Variants in PTPRD observed in about 807,000 individuals in gnomAD.
PTPRD encodes the protein protein tyrosine phosphatase receptor type D.
In PTPRD, 34 loss-of-function variants were observed where a neutral mutation model predicts 214.5. The observed-to-expected ratio is 0.16, with a 90% CI of 0.12 to 0.21. The LOEUF is 0.21. Ranked by LOEUF, PTPRD falls within the 10% of genes least tolerant of loss-of-function variation. The pLI is 1.00. For synonymous variants in PTPRD, 1,128 were observed against 845.7 expected (o/e 1.33, Z -5.79); for missense variants, 2,545 against 2,398.7 (o/e 1.06, Z -1.27).
chr9:9,776,051 T>C (rs2098796458), intron 5 of PTPRD, among the ~76,000 whole-genome samples: 1 of 150,510 alleles, frequency 6.6e-6, no homozygotes, highest in Admixed American at 6.6e-5. Context: ...ATATAAGCAC[T>C]TTCTAGTAAA....
chr9:9,595,570 GT>G (rs2093272463), intron 7 of PTPRD, among the ~76,000 whole-genome samples: 2 of 143,704 alleles, frequency 1.4e-5, no homozygotes, highest in African/African-American at 5.0e-5. Context: ...GTGTGTGTGT[GT>G]GTGTGTATAT....
At chr9:8,566,083 T>C (rs909875317) in intron 14 of PTPRD, among the ~76,000 whole-genome samples, 4 of 144,386 alleles carry the variant, frequency 2.8e-5, no homozygotes, top group African/African-American at 1.0e-4. Flanking sequence ...TGAAAAGATA[T>C]ATACTGAATG....
At chr9:10,270,191 T>G (rs1441834747) in intron 3 of PTPRD, among the ~76,000 whole-genome samples, 1 of 152,108 alleles carries the variant, frequency 6.6e-6, no homozygotes, top group Non-Finnish European at 1.5e-5. Context: ...TTTTAAAATC[T>G]TTAATTCATC....
At chr9:9,662,182 G>C (rs538019292) in intron 7 of PTPRD, among the ~76,000 whole-genome samples, 52 of 151,724 alleles carry the variant, frequency 3.4e-4, no homozygotes, top group African/African-American at 1.3e-3. Flanking sequence ...AGCTTGGAAG[G>C]CAGTCTCAGT....
chr9:9,272,066 C>A (rs1377580199), intron 9 of PTPRD, among the ~76,000 whole-genome samples: 1 of 150,300 alleles, frequency 6.7e-6, no homozygotes, highest in African/African-American at 2.4e-5. Context: ...TTTTTTTTGA[C>A]AGCAATTCCC....
chr9:8,720,414 G>A (rs902132717), intron 12 of PTPRD, among the ~76,000 whole-genome samples: 1 of 152,164 alleles, frequency 6.6e-6, no homozygotes, highest in East Asian at 1.9e-4. Flanking sequence ...GCCAGTCAGG[G>A]GACTAACCCA....
intron 2 of PTPRD, among the ~76,000 whole-genome samples, chr9:10,384,682 G>C (rs1052732244): frequency 2.0e-5 from 3 of 151,180 alleles, no homozygotes; most frequent in Non-Finnish European, 3.0e-5. Context: ...AAGAACGTTT[G>C]TCAAAGTTAG....
Position 10,210,524 on chromosome 9 carries a change from G to C in PTPRD, c.-545+130439C>G, listed in dbSNP as rs142423056. Among the ~76,000 whole-genome samples the C allele has an allele frequency of 3.4e-3, 509 of 151,456 alleles. 2 individuals carry two copies. The highest frequency in any genetic ancestry group is 0.012 in the African/African-American group (487 of 41,310). On this transcript the variant is annotated intron_variant, in intron 3 of 45. Coordinates refer to ENST00000381196, the MANE Select transcript of PTPRD (RefSeq NM_002839.4). ...ATGGGAAAGAATGCCAAGGAGGGGG[G>C]GCTTCTTGCACATTTGTCATCAATT...
intron 11 of PTPRD, among the ~76,000 whole-genome samples, chr9:8,809,442 A>G (rs1265269834): frequency 1.3e-5 from 2 of 152,150 alleles, no homozygotes; most frequent in Non-Finnish European, 2.9e-5. Flanking sequence ...TGGAGCCAAT[A>G]ACCCAATAAC....
At chr9:8,786,744 C>T (rs1339110770) in intron 11 of PTPRD, among the ~76,000 whole-genome samples, 9 of 123,628 alleles carry the variant, frequency 7.3e-5, no homozygotes, top group Middle Eastern at 5.0e-3. Context: ...CCTGAATCCT[C>T]AGGGAAAAAA....
At chr9:9,957,282 C>A (rs1339692327) in intron 4 of PTPRD, among the ~76,000 whole-genome samples, 1 of 151,978 alleles carries the variant, frequency 6.6e-6, no homozygotes, top group Non-Finnish European at 1.5e-5. Context: ...ATATGGAATT[C>A]TGAAAAATAA....
chr9:10,261,096 TAG>T (rs200103560), intron 3 of PTPRD, among the ~76,000 whole-genome samples: 209 of 146,166 alleles, frequency 1.4e-3, no homozygotes, highest in African/African-American at 3.9e-3. Flanking sequence ...TATATATATA[TAG>T]AGAGAGAGTC....
chr9:8,655,667 A>AT (rs754408714), intron 12 of PTPRD, among the ~76,000 whole-genome samples: 2 of 152,102 alleles, frequency 1.3e-5, no homozygotes, highest in Non-Finnish European at 2.9e-5. Flanking sequence ...AATGCCACAT[A>AT]TATGAACTTT....
intron 9 of PTPRD, among the ~76,000 whole-genome samples, chr9:9,216,199 G>T (rs986471396): frequency 6.6e-6 from 1 of 152,076 alleles, no homozygotes; most frequent in Non-Finnish European, 1.5e-5. Context: ...ATATGCTTTT[G>T]TATGTACCTT....
chr9:10,312,683 T>C (rs2096300239), intron 3 of PTPRD, among the ~76,000 whole-genome samples: 2 of 151,822 alleles, frequency 1.3e-5, no homozygotes, highest in African/African-American at 4.8e-5. Context: ...TATAAAAGCA[T>C]GACAAACATA....
intron 2 of PTPRD, among the ~76,000 whole-genome samples, chr9:10,471,288 A>G (rs1457200604): frequency 6.6e-6 from 1 of 152,160 alleles, no homozygotes; most frequent in African/African-American, 2.4e-5. Flanking sequence ...CGGAACTTAA[A>G]CTATAATAAA....
At chr9:10,130,833 G>A (rs959205390) in intron 3 of PTPRD, among the ~76,000 whole-genome samples, 1 of 152,120 alleles carries the variant, frequency 6.6e-6, no homozygotes, top group Admixed American at 6.6e-5. Context: ...TTAGGCAGAG[G>A]CACTGGAAAT....
intron 9 of PTPRD, among the ~76,000 whole-genome samples, chr9:9,322,920 A>C (rs2136088660): frequency 6.6e-6 from 1 of 152,290 alleles, no homozygotes; most frequent in East Asian, 1.9e-4. Flanking sequence ...ATGCACATTT[A>C]CTTGAGTTAA....
chr9:10,440,331 T>C (rs1483075278), intron 2 of PTPRD, among the ~76,000 whole-genome samples: 1 of 151,784 alleles, frequency 6.6e-6, no homozygotes, highest in Non-Finnish European at 1.5e-5. Flanking sequence ...GTTAGTGCTA[T>C]GAATTTTTAA....
Sources: allele counts gnomAD v4.1 joint callset (sites outside exome capture counted in the v4.1 genomes callset), GRCh38; gene constraint gnomAD v4.1.1; transcripts MANE v1.5; gene names NCBI Gene and HGNC (gene_info 2026-07-23, HGNC 2026-07-21).